The following PAK3 variants were observed in gnomAD, a reference collection of about 807,000 sequenced individuals.
PAK3 encodes serine/threonine-protein kinase PAK 3.
PAK3 carries 4 observed loss-of-function variants against 41.0 expected under a neutral mutation model. The ratio of observed to expected loss-of-function variants is 0.10; its 90% CI spans 0.05 to 0.22. PAK3 has a LOEUF of 0.22. Ranked by LOEUF, PAK3 falls within the 10% of genes least tolerant of loss-of-function variation. The pLI is 1.00. For missense variants in PAK3, 205 were observed against 409.9 expected, an observed-to-expected ratio of 0.50 and a Z score of 4.32; for synonymous variants, 146 against 139.6, an observed-to-expected ratio of 1.05 and a Z score of -0.32.
At chrX:111,162,242 G>T (rs1022609518) in intron 8 of PAK3, among the ~76,000 whole-genome samples, 5 of 111,809 alleles carry the variant, frequency 4.5e-5, no homozygotes, top group Admixed American at 2.8e-4. Context: ...CCTAGGTATT[G>T]TTGCTATTGT....
At chrX:111,061,009 G>A (rs771152711) in intron 1 of PAK3, among the ~76,000 whole-genome samples, 4 of 111,169 alleles carry the variant, frequency 3.6e-5, no homozygotes, top group Non-Finnish European at 7.6e-5. Flanking sequence ...TTCTTATTCC[G>A]TGAACTGTTG....
intron 1 of PAK3, among the ~76,000 whole-genome samples, chrX:111,028,491 A>G (rs1239484039): frequency 8.9e-6 from 1 of 111,864 alleles, no homozygotes; most frequent in Non-Finnish European, 1.9e-5. Context: ...TTTTACCACA[A>G]TGAAAAAAGA....
chrX:111,076,078 T>C (rs1041035593), intron 1 of PAK3, among the ~76,000 whole-genome samples: 1 of 112,392 alleles, frequency 8.9e-6, no homozygotes, highest in East Asian at 2.8e-4. Context: ...TTGTTTTTTT[T>C]ATCTCACAGG....
chrX:111,118,211 CTTACA>C (rs1168393359), intron 4 of PAK3, among the ~76,000 whole-genome samples: 1 of 111,888 alleles, frequency 8.9e-6, no homozygotes, highest in African/African-American at 3.2e-5. Flanking sequence ...ACTACATCTT[CTTACA>C]TTATCAGTCA....
intron 1 of PAK3, among the ~76,000 whole-genome samples, chrX:111,087,771 A>G (rs1183910625): frequency 2.8e-5 from 3 of 106,742 alleles, no homozygotes; most frequent in East Asian, 5.8e-4. Flanking sequence ...AAAAACAAAA[A>G]AAAAAAAAAC....
intron 4 of PAK3, among the ~76,000 whole-genome samples, chrX:111,117,639 A>C (rs777395940): frequency 8.9e-6 from 1 of 111,863 alleles, no homozygotes; most frequent in Non-Finnish European, 1.9e-5. Flanking sequence ...ACCTGCTACA[A>C]TTAGGTCTAT....
chrX:111,006,853 T>TTTCTTTC (rs2091938760), intron 1 of PAK3, among the ~76,000 whole-genome samples: 1 of 8,366 alleles, frequency 1.2e-4, no homozygotes, highest in Non-Finnish European at 9.4e-4. Flanking sequence ...TTCTTTCTTT[T>TTTCTTTC]TTTTTTTTTT....
chrX:110,999,446 G>A (rs2404538), intron 1 of PAK3, among the ~76,000 whole-genome samples: 58,382 of 109,350 alleles, frequency 0.53, 13,632 homozygotes, highest in East Asian at 0.99. Flanking sequence ...CTCCAGGCTG[G>A]CACATAGGAG....
intron 1 of PAK3, among the ~76,000 whole-genome samples, chrX:110,983,330 G>A (rs956656256): frequency 9.0e-6 from 1 of 111,026 alleles, no homozygotes; most frequent in Non-Finnish European, 1.9e-5. Context: ...GAGAGGGTTT[G>A]GGTAGAGTGA....
intron 1 of PAK3, among the ~76,000 whole-genome samples, chrX:110,971,555 G>C (rs756644864): frequency 8.9e-6 from 1 of 111,834 alleles, no homozygotes; most frequent in Admixed American, 9.5e-5. Context: ...AGTTACAAGA[G>C]TTCTTTAGAT....
intron 11 of PAK3, among the ~76,000 whole-genome samples, chrX:111,186,086 C>A (rs938941628): frequency 5.4e-5 from 6 of 111,301 alleles, no homozygotes; most frequent in Non-Finnish European, 9.4e-5. Flanking sequence ...CAGTAAAATT[C>A]AACACCCCTT....
At chrX:111,022,211 C>G (rs2148727606) in intron 1 of PAK3, among the ~76,000 whole-genome samples, 1 of 111,843 alleles carries the variant, frequency 8.9e-6, no homozygotes, top group South Asian at 3.8e-4. Context: ...AGATCACCAC[C>G]TAGGCACATA....
chrX:111,132,432 C>T (rs2093731653), intron 5 of PAK3, among the ~76,000 whole-genome samples: 2 of 110,786 alleles, frequency 1.8e-5, no homozygotes, highest in South Asian at 7.8e-4. Context: ...TGAATGAATA[C>T]AGATTGCACC....
chrX:111,105,313 T>C (rs755787670), intron 4 of PAK3, among the ~76,000 whole-genome samples: 3 of 111,385 alleles, frequency 2.7e-5, no homozygotes, highest in Non-Finnish European at 5.7e-5. Context: ...ACACTTACAT[T>C]CACACAGAGG....
chrX:111,204,468 TG>T (rs936037075), intron 16 of PAK3, among the ~76,000 whole-genome samples: 1 of 111,662 alleles, frequency 9.0e-6, no homozygotes, highest in African/African-American at 3.3e-5. Context: ...AGACAAATCA[TG>T]GAGTGTGATG....
At chrX:111,112,862 G>T (rs1180698125) in intron 4 of PAK3, among the ~76,000 whole-genome samples, 1 of 111,304 alleles carries the variant, frequency 9.0e-6, no homozygotes, top group South Asian at 3.8e-4. Context: ...TTCTTTTTCC[G>T]AGTGTTATGT....
intron 1 of PAK3, among the ~76,000 whole-genome samples, chrX:111,091,023 T>C (rs184925090): frequency 8.9e-6 from 1 of 112,026 alleles, no homozygotes; most frequent in East Asian, 2.8e-4. Context: ...ATCAGCTCAA[T>C]TAAACAATGT....
intron 1 of PAK3, among the ~76,000 whole-genome samples, chrX:110,983,480 C>CAGAGAG (rs768492408): frequency 3.0e-5 from 3 of 99,608 alleles, no homozygotes; most frequent in African/African-American, 7.3e-5. Context: ...AAGAGAAAGA[C>CAGAGAG]AGAGAGAGAG....
chrX:111,068,988 AATGGTAATAG>A lies in PAK3; in HGVS notation c.-27-54088_-27-54079del, dbSNP rs764832556. ...TGAGCCCGTATTCTCAATCGATACA[AATGGTAATAG>A]TCTGTCGCAGTGTGTGCCTCTATTT... On this transcript the variant is annotated intron_variant, in intron 1 of 14. Coordinates refer to the PAK3 transcript ENST00000425146. Among the ~76,000 whole-genome samples, 9 of 111,767 alleles carry A rather than the reference AATGGTAATAG, an allele frequency of 8.1e-5. No individual in the cohort carries two copies. The East Asian group carries it at 2.0e-3, about 25-fold the overall frequency.
Sources: allele counts gnomAD v4.1 joint callset (sites outside exome capture counted in the v4.1 genomes callset), GRCh38; gene constraint gnomAD v4.1.1; transcripts MANE v1.5; gene names NCBI Gene and HGNC (gene_info 2026-07-23, HGNC 2026-07-21).